Variants in AASS observed in about 807,000 individuals in gnomAD.
AASS encodes the protein alpha-aminoadipic semialdehyde synthase, mitochondrial.
A neutral mutation model predicts 105.4 loss-of-function variants in AASS; 86 were observed. The ratio of observed to expected loss-of-function variants is 0.82; its 90% CI spans 0.69 to 0.98. The LOEUF (loss-of-function observed/expected upper bound fraction) is 0.98, where lower values mean the gene tolerates loss of function less well. Ranked by LOEUF, AASS falls within the 50% of genes least tolerant of loss-of-function variation. The probability of loss-of-function intolerance (pLI) is 0.00; values close to 1 mark genes in which losing one functional copy is unlikely to be tolerated. For synonymous variants in AASS, 381 were observed against 394.8 expected (o/e 0.96, Z 0.41); for missense variants, 1,048 against 1,143.2 (o/e 0.92, Z 1.20).
Position 122,098,460 on chromosome 7 carries a change from G to A in AASS, c.1645C>T (p.Leu549Phe), listed in dbSNP as rs779028142. 1 of 1,612,032 alleles carries A rather than the reference G, an allele frequency of 6.2e-7. No individual in the cohort carries two copies. Among genetic ancestry groups the A allele is most frequent in the Non-Finnish European group, 8.5e-7 (1 of 1,178,706 alleles). Residue 549 changes from leucine (L) to phenylalanine (F), a missense_variant, in exon 15 of 24, where the codon CTT becomes TTT. Physicochemically the swap from Leu to Phe is conservative, Grantham distance 22 (BLOSUM62 0). Coordinates refer to ENST00000417368, the MANE Select transcript of AASS (RefSeq NM_005763.4). ...KLGFLVAKQD[L>F]VISLLPYVLH... ...TTGCCAGATACTGACCTGATGACAAGATCCTGTTTTGCCACCAAGAAGCCC... is the reference window on the plus strand; with the variant it reads ...TTGCCAGATACTGACCTGATGACAAAATCCTGTTTTGCCACCAAGAAGCCC...
At chr7:122,120,779 T>A (rs1795404117) in intron 4 of AASS, among the ~76,000 whole-genome samples, 1 of 152,080 alleles carries the variant, frequency 6.6e-6, no homozygotes, top group South Asian at 2.1e-4. Flanking sequence ...AAATATCTTC[T>A]AATTTTCCTG....
chr7:122,073,956 C>T lies in AASS; in HGVS notation c.*2533G>A, dbSNP rs553773567. Among the ~76,000 whole-genome samples, 3 of 151,900 alleles carry T rather than the reference C, an allele frequency of 2.0e-5. No homozygotes were observed. The highest frequency in any genetic ancestry group is 2.0e-4 in the Admixed American group (3 of 15,252). The stretch of plus-strand genomic sequence containing the variant: ...AATAATATTCCTTGTATGGATATGC[C>T]ACGTTTTGTTTATTCACTTGTTAGT... On this transcript the variant is annotated 3_prime_UTR_variant, in exon 24 of 24. Transcript: ENST00000417368.
At chr7:122,118,917 T>A (rs989093624) in intron 4 of AASS, among the ~76,000 whole-genome samples, 1 of 152,176 alleles carries the variant, frequency 6.6e-6, no homozygotes, top group African/African-American at 2.4e-5. Context: ...CCGGATCCCA[T>A]CCCTTCCTGT....
Position 122,086,127 on chromosome 7 carries a change from T to G in AASS, c.2069A>C (p.Asp690Ala), listed in dbSNP as rs1397943400. 1.2e-6 allele frequency: 2 copies of G among 1,613,466 alleles called. No homozygotes were observed. Among genetic ancestry groups the G allele is most frequent in the Non-Finnish European group, 8.5e-7 (1 of 1,179,782 alleles). ...TTCCAAATTTAATCCTGGAAAAAAATCCATGGACGTAACGGCATCAAGAAA... is the reference window on the plus strand; with the variant it reads ...TTCCAAATTTAATCCTGGAAAAAAAGCCATGGACGTAACGGCATCAAGAAA... Reference protein sequence around the residue: ...ISFLDAVTSMDFFPGLNLEGY... With the variant: ...ISFLDAVTSMAFFPGLNLEGY... The change falls in exon 19 of 24, where the codon GAT becomes GCT. Residue 690 changes from aspartate (D) to alanine (A), a missense_variant. Transcript: ENST00000417368.
At chr7:122,135,489 GTT>G (rs747592305) in intron 1 of AASS, among the ~76,000 whole-genome samples, 2 of 152,058 alleles carry the variant, frequency 1.3e-5, no homozygotes, top group African/African-American at 2.4e-5. Context: ...GCCTCAACCA[GTT>G]TTCCAACTGC....
chr7:122,138,031 G>A (rs1796233283), intron 1 of AASS, among the ~76,000 whole-genome samples: 1 of 152,098 alleles, frequency 6.6e-6, no homozygotes, highest in Admixed American at 6.5e-5. Context: ...CACAGGCAAG[G>A]GTGGGGTACA....
At chr7:122,118,776 C>T in intron 4 of AASS, 146 bp from the exon 5 acceptor site, 1 of 825,518 alleles carries the variant, frequency 1.2e-6, no homozygotes, top group African/African-American at 1.7e-5. Context: ...AGATTGTATC[C>T]ATCCTCTCAA....
chr7:122,125,530 C>T (rs1390033349), intron 4 of AASS, among the ~76,000 whole-genome samples: 1 of 152,166 alleles, frequency 6.6e-6, no homozygotes, highest in Non-Finnish European at 1.5e-5. Context: ...CTGCTGTGTC[C>T]GGTTTCCATT....
chr7:122,076,522 A>G lies in AASS; in HGVS notation c.2748T>C (p.Ile916=), dbSNP rs767172820. 1 of 1,613,788 alleles carries G rather than the reference A, an allele frequency of 6.2e-7. No individual in the cohort carries two copies. Among genetic ancestry groups the G allele is most frequent in the Non-Finnish European group, 8.5e-7 (1 of 1,179,670 alleles). ...PILERIKAEG[I]IYTTQSTIKP ...TAATTGTACTCTGTGTAGTATATAT[A>G]ATGCCTTCTGCTTTAATTCGCTCCA... Residue 916 remains isoleucine, a synonymous_variant, in exon 24 of 24, where the codon ATT becomes ATC. Transcript: ENST00000417368.
intron 1 of AASS, 165 bp from the exon 2 acceptor site, chr7:122,133,906 G>GGAA (rs1796027139): frequency 3.0e-6 from 2 of 665,044 alleles, no homozygotes; most frequent in Admixed American, 2.8e-5. Context: ...TTCCTTTAAA[G>GGAA]CCAAGTTTTC....
At chr7:122,102,654 G>T (rs1162779114) in intron 11 of AASS, among the ~76,000 whole-genome samples, 13 of 151,918 alleles carry the variant, frequency 8.6e-5, no homozygotes, top group Non-Finnish European at 1.8e-4. Context: ...TTTGAAAAAG[G>T]TCAGTTCTCC....
At chr7:122,121,163 T>G (rs1269438690) in intron 4 of AASS, among the ~76,000 whole-genome samples, 1 of 152,120 alleles carries the variant, frequency 6.6e-6, no homozygotes, top group South Asian at 2.1e-4. Context: ...TTTAGAGCCT[T>G]GTTTTATTTT....
Position 122,116,947 on chromosome 7 carries a change from G to T in AASS, c.698C>A (p.Ala233Glu), listed in dbSNP as rs766642949. The T allele has an allele frequency of 1.2e-6, 2 of 1,613,728 alleles. No homozygotes were observed. Among genetic ancestry groups the T allele is most frequent in the East Asian group, 2.2e-5 (1 of 44,858 alleles). ...TTCACAAGGTAGCTCATTAAAGATT[G>T]CTTGGGCTCCCTACAAATAACACAT... ...GTGNVSKGAQ[A>E]IFNELPCEYV... is the part of the protein sequence containing the mutation. The change falls in exon 7 of 24, where the codon GCA becomes GAA. Residue 233 changes from alanine to glutamate, a missense_variant. Ala to Glu is a moderately radical substitution (Grantham distance 107). Transcript: ENST00000417368.
intron 2 of AASS, among the ~76,000 whole-genome samples, chr7:122,132,563 C>T (rs1333812875): frequency 1.3e-5 from 2 of 152,162 alleles, no homozygotes; most frequent in African/African-American, 4.8e-5. Context: ...CTCACTGTAA[C>T]CACCTCAACC....
At chr7:122,077,084 ATCACTTACTTCT>A (rs1250496335) in intron 23 of AASS, among the ~76,000 whole-genome samples, 1 of 152,330 alleles carries the variant, frequency 6.6e-6, no homozygotes, top group Non-Finnish European at 1.5e-5. Flanking sequence ...CCCAACTTTT[ATCACTTACTTCT>A]TCATTGATTC....
Position 122,118,391 on chromosome 7 carries a change from A to G in AASS, c.603T>C (p.Ala201=). The G allele has an allele frequency of 6.2e-7, 1 of 1,614,212 alleles. No homozygotes were observed. Among genetic ancestry groups the G allele is most frequent in the Non-Finnish European group, 8.5e-7 (1 of 1,180,028 alleles). ...SSQAVQAVRD[A]GYEISLGLMP... The stretch of plus-strand genomic sequence containing the variant: ...TCAAACCCAAAGATATTTCATAGCC[A>G]GCATCACGGACAGCTTGCACAGCCT... Residue 201 remains alanine (A), a synonymous_variant, in exon 6 of 24, where the codon GCT becomes GCC. Coordinates refer to ENST00000417368, the MANE Select transcript of AASS (RefSeq NM_005763.4).
intron 19 of AASS, chr7:122,082,721 A>G (rs1793420245): frequency 2.5e-6 from 2 of 816,016 alleles, no homozygotes; most frequent in Admixed American, 4.9e-5. Context: ...GTAGTAGAGT[A>G]TTATATTAAT....
intron 11 of AASS, among the ~76,000 whole-genome samples, chr7:122,105,875 G>A (rs1029937663): frequency 1.5e-4 from 23 of 151,662 alleles, no homozygotes; most frequent in Admixed American, 4.6e-4. Flanking sequence ...AAATAATGAT[G>A]GTTAGAGAAG....
intron 1 of AASS, among the ~76,000 whole-genome samples, chr7:122,143,800 C>G (rs1796509678): frequency 6.6e-6 from 1 of 152,102 alleles, no homozygotes; most frequent in Non-Finnish European, 1.5e-5. Flanking sequence ...TTCTTTATTC[C>G]CCAGCCACAG....
Sources: allele counts gnomAD v4.1 joint callset (sites outside exome capture counted in the v4.1 genomes callset), GRCh38; gene constraint gnomAD v4.1.1; transcripts MANE v1.5; gene names NCBI Gene and HGNC (gene_info 2026-07-23, HGNC 2026-07-21).